Variants in FABP12 observed in about 807,000 individuals in gnomAD.
FABP12 encodes fatty acid-binding protein 12.
Under a neutral mutation model 13.7 loss-of-function variants are expected in FABP12, and 19 were observed. That is an observed-to-expected ratio of 1.39 (90% confidence interval 0.97 to 2.04). The LOEUF (loss-of-function observed/expected upper bound fraction) is 2.04. FABP12 is among the 30% of genes most tolerant of loss of function. The pLI is 0.00. For missense variants in FABP12, 182 were observed against 164.2 expected, an observed-to-expected ratio of 1.11 and a Z score of -0.59; for synonymous variants, 61 against 57.0, an observed-to-expected ratio of 1.07 and a Z score of -0.32.
At position 81,552,657 on chromosome 8, in the gene FABP12, T is replaced by G. The variant is rs1809539936; in HGVS notation, c.-184-12914A>C. On this transcript the variant is annotated intron_variant, in intron 1 of 5. Coordinates refer to the FABP12 transcript ENST00000692030. ...TAAGAAGAATCAGGGGCACCAATGC[T>G]TCATTTAAATTCCACAGAGGAAAGT... 2.0e-5 allele frequency among the ~76,000 whole-genome samples: 3 copies of G among 152,200 alleles called. No individual in the cohort carries two copies. The South Asian group carries it at 6.2e-4, about 31-fold the overall frequency.
chr8:81,561,606 A>G (rs950315199), intron 1 of FABP12, among the ~76,000 whole-genome samples: 3 of 152,202 alleles, frequency 2.0e-5, no homozygotes, highest in Non-Finnish European at 2.9e-5. Context: ...TGAATCACCA[A>G]TGGCACAGAG....
At chr8:81,577,413 T>C (rs1237159356) in intron 1 of FABP12, among the ~76,000 whole-genome samples, 1 of 152,260 alleles carries the variant, frequency 6.6e-6, no homozygotes, top group Non-Finnish European at 1.5e-5. Context: ...ATTATGTTTC[T>C]TGGCCTTTAG....
chr8:81,568,226 T>C (rs1809864193), intron 1 of FABP12, among the ~76,000 whole-genome samples: 1 of 150,664 alleles, frequency 6.6e-6, no homozygotes. Context: ...AAACTATCCA[T>C]CTGACAAGAG....
At chr8:81,555,772 T>A (rs914970830) in intron 1 of FABP12, among the ~76,000 whole-genome samples, 3 of 152,182 alleles carry the variant, frequency 2.0e-5, no homozygotes, top group African/African-American at 7.2e-5. Flanking sequence ...AAATTTTAAA[T>A]AGGAGAACAT....
intron 1 of FABP12, among the ~76,000 whole-genome samples, chr8:81,566,894 T>C (rs970309047): frequency 2.6e-5 from 4 of 152,164 alleles, no homozygotes; most frequent in African/African-American, 9.6e-5. Context: ...GATATAATCT[T>C]ATATTTAGAA....
At chr8:81,544,178 A>T (rs1204487354) in intron 1 of FABP12, among the ~76,000 whole-genome samples, 1 of 152,210 alleles carries the variant, frequency 6.6e-6, no homozygotes, top group African/African-American at 2.4e-5. Flanking sequence ...GGAGTTTATT[A>T]GATTCCTAGG....
upstream of FABP12, among the ~76,000 whole-genome samples, chr8:81,537,769 C>T (rs1255589600): frequency 6.6e-6 from 1 of 152,082 alleles, no homozygotes; most frequent in Non-Finnish European, 1.5e-5. Flanking sequence ...TGGAGGTGGG[C>T]AGTGGACAGG....
chr8:81,582,116 G>GA (rs1810171377), intron 1 of FABP12, among the ~76,000 whole-genome samples: 1 of 112,528 alleles, frequency 8.9e-6, no homozygotes, highest in Admixed American at 1.2e-4. Flanking sequence ...TGGCTAACTG[G>GA]AATTTTTTTT....
intron 2 of FABP12, among the ~76,000 whole-genome samples, 155 bp from the exon 3 acceptor site, chr8:81,529,765 T>G (rs1479999973): frequency 6.6e-6 from 1 of 152,266 alleles, no homozygotes; most frequent in African/African-American, 2.4e-5. Flanking sequence ...TTGAACAGAT[T>G]TAATGGTGCA....
rs775426564 is a variant in FABP12, at chr8:81,529,433, C to T, written c.246+5G>A. On this transcript the variant is annotated splice_donor_5th_base_variant and intron_variant, in intron 3 of 4. Transcript: ENST00000360464. ...ATGTGTCTGAAAGACTGTCGTAGGCCTCACCTTTGTTTTGTGGCCACCTGG... is the reference window on the plus strand; with the variant it reads ...ATGTGTCTGAAAGACTGTCGTAGGCTTCACCTTTGTTTTGTGGCCACCTGG... The T allele has an allele frequency of 2.5e-6, 4 of 1,613,526 alleles. No homozygotes were observed. The highest frequency in any genetic ancestry group is 3.4e-6 in the Non-Finnish European group (4 of 1,179,584).
chr8:81,567,270 T>A (rs1809840936), intron 1 of FABP12, among the ~76,000 whole-genome samples: 1 of 152,128 alleles, frequency 6.6e-6, no homozygotes. Context: ...ACAGTCCCTA[T>A]CAAAATACCA....
upstream of FABP12, among the ~76,000 whole-genome samples, chr8:81,536,804 A>G (rs1184497168): frequency 1.3e-5 from 2 of 152,262 alleles, no homozygotes; most frequent in Non-Finnish European, 2.9e-5. Flanking sequence ...CCACGTGTAG[A>G]TAAAGTTTTA....
chr8:81,572,391 T>C (rs536643403), intron 1 of FABP12, among the ~76,000 whole-genome samples: 2 of 152,338 alleles, frequency 1.3e-5, no homozygotes, highest in African/African-American at 4.8e-5. Context: ...GATTTTGCTA[T>C]TGTAAATTGT....
At chr8:81,544,814 T>C (rs1809408800) in intron 1 of FABP12, among the ~76,000 whole-genome samples, 1 of 152,118 alleles carries the variant, frequency 6.6e-6, no homozygotes, top group Admixed American at 6.6e-5. Flanking sequence ...TGCAGTGACC[T>C]GTTCAAGTGC....
upstream of FABP12, among the ~76,000 whole-genome samples, chr8:81,535,723 T>C (rs780294539): frequency 7.2e-5 from 11 of 152,188 alleles, no homozygotes; most frequent in Non-Finnish European, 1.2e-4. Flanking sequence ...CAGATCTCCT[T>C]TGAGGAAAAT....
At chr8:81,537,753 C>T (rs1809258297), upstream of FABP12, among the ~76,000 whole-genome samples, 1 of 152,110 alleles carries the variant, frequency 6.6e-6, no homozygotes, top group African/African-American at 2.4e-5. Context: ...TACTCAAATG[C>T]ACACCTGGAG....
At chr8:81,560,417 G>A (rs1809703797) in intron 1 of FABP12, among the ~76,000 whole-genome samples, 1 of 152,162 alleles carries the variant, frequency 6.6e-6, no homozygotes, top group Non-Finnish European at 1.5e-5. Flanking sequence ...TTATAGTCAA[G>A]GCATTTCTCA....
intron 1 of FABP12, among the ~76,000 whole-genome samples, chr8:81,584,637 T>A (rs773549675): frequency 2.2e-4 from 33 of 152,176 alleles, no homozygotes; most frequent in African/African-American, 4.8e-5. Context: ...GATATATTGA[T>A]TTCCTTTCTT....
intron 1 of FABP12, among the ~76,000 whole-genome samples, chr8:81,541,829 C>T (rs1403503456): frequency 7.2e-6 from 1 of 139,786 alleles, no homozygotes; most frequent in Non-Finnish European, 1.5e-5. Flanking sequence ...TTGGAAGTAT[C>T]CAGAAATAGG....
Sources: gnomAD v4.1 joint callset for allele counts (sites outside exome capture counted in the v4.1 genomes callset) on GRCh38, gnomAD v4.1.1 for gene constraint, MANE v1.5 for transcripts, NCBI Gene and HGNC (gene_info 2026-07-23, HGNC 2026-07-21) for gene names.